The following TMC7 variants were observed in gnomAD, a reference collection of about 807,000 sequenced individuals.
TMC7 encodes transmembrane channel-like protein 7.
Under a neutral mutation model 82.9 loss-of-function variants are expected in TMC7, and 54 were observed. The observed-to-expected ratio is 0.65, with a 90% CI of 0.52 to 0.82. The LOEUF is 0.82. TMC7 is among the 40% of genes least tolerant of loss of function. The pLI, the probability that TMC7 is intolerant of heterozygous loss-of-function variation, is 0.00. For missense variants in TMC7, 820 were observed against 901.2 expected, an observed-to-expected ratio of 0.91 and a Z score of 1.15; for synonymous variants, 350 against 337.9, an observed-to-expected ratio of 1.04 and a Z score of -0.39.
intron 13 of TMC7, among the ~76,000 whole-genome samples, chr16:19,053,275 T>A (rs924044753): frequency 1.3e-5 from 2 of 151,230 alleles, no homozygotes; most frequent in African/African-American, 2.4e-5. Context: ...AATAGTATAA[T>A]CCTGCTTGGT....
intron 9 of TMC7, 119 bp from the exon 10 acceptor site, chr16:19,044,765 T>G: frequency 4.2e-6 from 2 of 481,866 alleles, no homozygotes; most frequent in South Asian, 2.2e-5. Context: ...AAACACTCCA[T>G]CTCAAAAAAA....
intron 6 of TMC7, among the ~76,000 whole-genome samples, chr16:19,031,276 G>A (rs113917959): frequency 0.015 from 2,263 of 152,190 alleles, 40 homozygotes; most frequent in African/African-American, 0.045. Context: ...CCCTTCCACC[G>A]TTGCCATGGG....
rs570245057 is a variant in TMC7 at position 19,061,943 on chromosome 16, A to C, written c.*100A>C. 1.0e-5 allele frequency: 10 copies of C among 980,110 alleles called. No homozygotes were observed. The Admixed American group carries it at 2.1e-4, about 21-fold the overall frequency. 60.7% of individuals were successfully genotyped at this position (980,110 alleles called of 1,614,324 possible). ...TACCTGGGTTTTGAGTGGACATTTA[A>C]AAATATATTTTTCTTGAGTTTAGGC... On this transcript the variant is annotated 3_prime_UTR_variant, in exon 16 of 16. Coordinates refer to ENST00000304381, the MANE Select transcript of TMC7 (RefSeq NM_024847.4).
chr16:19,032,046 A>G (rs1960541508), intron 6 of TMC7, among the ~76,000 whole-genome samples: 1 of 152,138 alleles, frequency 6.6e-6, no homozygotes, highest in African/African-American at 2.4e-5. Flanking sequence ...ATGGACCACA[A>G]ATTTTTGATG....
chr16:18,990,944 G>A (rs2038940467), intron 1 of TMC7, among the ~76,000 whole-genome samples: 1 of 152,132 alleles, frequency 6.6e-6, no homozygotes, highest in African/African-American at 2.4e-5. Context: ...GCAGGTCACT[G>A]GGATATGATG....
intron 14 of TMC7, 137 bp from the exon 15 acceptor site, chr16:19,059,279 T>C (rs1329735987): frequency 8.3e-6 from 12 of 1,447,080 alleles, no homozygotes; most frequent in Middle Eastern, 2.6e-4. Flanking sequence ...GCACTGGTAT[T>C]ATAAAATGAG....
chr16:18,998,965 G>A (rs1379902817), intron 1 of TMC7, among the ~76,000 whole-genome samples: 1 of 152,100 alleles, frequency 6.6e-6, no homozygotes, highest in Non-Finnish European at 1.5e-5. Context: ...TAGCAGATCC[G>A]GGAGGCTACC....
At chr16:19,035,630 T>A (rs765955358) in intron 6 of TMC7, 46 bp from the exon 7 acceptor site, 2 of 1,613,076 alleles carry the variant, frequency 1.2e-6, no homozygotes, top group Admixed American at 3.3e-5. Context: ...GGGGACTCTC[T>A]TTTGCTGTTG....
rs540612420 is a variant in TMC7, at chr16:18,986,868, G to A, written c.67+2738G>A. On this transcript the variant is annotated intron_variant, in intron 1 of 15. Transcript: ENST00000304381. ...CGCCCAGGCTGAAGTGCAGTGGCGCGATCTCGGCTCACTGCAAGCTCCGTC... is the reference window on the plus strand; with the variant it reads ...CGCCCAGGCTGAAGTGCAGTGGCGCAATCTCGGCTCACTGCAAGCTCCGTC... 8.9e-4 allele frequency among the ~76,000 whole-genome samples: 135 copies of A among 151,758 alleles called. 1 individual carries two copies. Among genetic ancestry groups the A allele is most frequent in the African/African-American group, 2.8e-3 (115 of 41,384 alleles).
chr16:19,040,334 C>G lies in TMC7; in HGVS notation c.1225C>G (p.Leu409Val). Residue 409 changes from leucine (L) to valine (V), a missense_variant, in exon 9 of 16, where the codon CTA becomes GTA. Transcript: ENST00000304381. ...TGGAGAGAACCTCTTCATATTGTAT[C>G]TACCGTCTATTGTGATCACGCTGGC... ...VFGENLFILY[L>V]PSIVITLANF... 1 of 1,613,938 alleles carries G rather than the reference C, an allele frequency of 6.2e-7. No individual in the cohort carries two copies. The highest frequency in any genetic ancestry group is 1.7e-5 in the Admixed American group (1 of 59,984).
chr16:18,987,051 C>T lies in TMC7; in HGVS notation c.67+2921C>T, dbSNP rs544167093. On this transcript the variant is annotated intron_variant, in intron 1 of 15. Transcript: ENST00000304381. ...CGATCTCCTGACCTCGTGATCCGCCCGCCTGGGCCTCCCAAAGTGCTGGGA... is the reference window on the plus strand; with the variant it reads ...CGATCTCCTGACCTCGTGATCCGCCTGCCTGGGCCTCCCAAAGTGCTGGGA... 9.8e-3 allele frequency among the ~76,000 whole-genome samples: 1,498 copies of T among 152,186 alleles called. 26 individuals carry two copies. Among genetic ancestry groups the T allele is most frequent in the African/African-American group, 0.035 (1,435 of 41,506 alleles).
At chr16:18,987,626 T>C (rs1357022316) in intron 1 of TMC7, among the ~76,000 whole-genome samples, 16 of 152,148 alleles carry the variant, frequency 1.1e-4, no homozygotes, top group Non-Finnish European at 2.2e-4. Context: ...TTTCCTAGAA[T>C]GTGGATGCCT....
intron 1 of TMC7, among the ~76,000 whole-genome samples, chr16:18,990,128 A>C (rs961298411): frequency 1.3e-5 from 2 of 152,096 alleles, no homozygotes; most frequent in African/African-American, 4.8e-5. Context: ...GAACCTTCTT[A>C]AGGGTTGGGG....
At chr16:19,039,929 A>G (rs1028064966) in intron 8 of TMC7, among the ~76,000 whole-genome samples, 6 of 152,022 alleles carry the variant, frequency 3.9e-5, no homozygotes, top group African/African-American at 1.4e-4. Context: ...CAGCCTGACC[A>G]ACATGGTGAC....
intron 2 of TMC7, among the ~76,000 whole-genome samples, chr16:19,012,547 G>A (rs1040375783): frequency 3.9e-5 from 6 of 152,126 alleles, no homozygotes; most frequent in Non-Finnish European, 7.4e-5. Context: ...CCAGCATTTT[G>A]AGAGGCCAAG....
chr16:18,986,638 G>A (rs551636618), intron 1 of TMC7, among the ~76,000 whole-genome samples: 1 of 152,194 alleles, frequency 6.6e-6, no homozygotes, highest in South Asian at 2.1e-4. Flanking sequence ...AACAGGATCT[G>A]GTGATTCGAC....
chr16:19,002,699 C>A (rs1045451114), intron 1 of TMC7, among the ~76,000 whole-genome samples: 1 of 152,212 alleles, frequency 6.6e-6, no homozygotes, highest in East Asian at 1.9e-4. Flanking sequence ...AAGTAATAAT[C>A]TCCTAATTGC....
Sources: allele counts gnomAD v4.1 joint callset (sites outside exome capture counted in the v4.1 genomes callset), GRCh38; gene constraint gnomAD v4.1.1; transcripts MANE v1.5; gene names NCBI Gene and HGNC (gene_info 2026-07-23, HGNC 2026-07-21).